The following MPDZ variants were observed in gnomAD, a reference collection of about 807,000 sequenced individuals.
The protein encoded by MPDZ is multiple PDZ domain protein.
Under a neutral mutation model 239.1 loss-of-function variants are expected in MPDZ, and 234 were observed. The observed-to-expected ratio is 0.98, with a 90% confidence interval of 0.88 to 1.09. The LOEUF (loss-of-function observed/expected upper bound fraction) is 1.09, where lower values mean the gene tolerates loss of function less well. Among genes scored for constraint, MPDZ ranks in the 50% least tolerant of loss-of-function variants. MPDZ has a pLI of 0.00. For missense variants in MPDZ, 3,175 were observed against 2,510.0 expected (o/e 1.26, Z -5.66); for synonymous variants, 1,048 against 881.3 (o/e 1.19, Z -3.35).
In MPDZ at chr9:13,122,031, C is replaced by T. The variant is rs185437121; in HGVS notation, c.5037+56G>A. The T allele has an allele frequency of 2.5e-6, 4 of 1,600,666 alleles. No individual in the cohort carries two copies. The African/African-American group carries it at 5.4e-5, about 21-fold the overall frequency. On this transcript the variant is annotated intron_variant, in intron 37 of 46. Transcript: ENST00000319217. ...AGAAAGAAGCAAAGAAAGAAACACT[C>T]CCCCCAGGAGCCTTTTCTCTGTTAA...
intron 1 of MPDZ, among the ~76,000 whole-genome samples, chr9:13,256,530 T>C (rs887553861): frequency 3.9e-5 from 6 of 152,204 alleles, no homozygotes; most frequent in Admixed American, 1.3e-4. Context: ...TTAGAGGCTA[T>C]TGCAGGGTTA....
Position 13,150,495 on chromosome 9 carries a change from G to C in MPDZ, c.3630+16C>G. The stretch of plus-strand genomic sequence containing the variant: ...AAACAAACAAATTTTAGCACAGAAA[G>C]CTCACTAGAGGGTACCTCTACGATT... On this transcript the variant is annotated intron_variant, in intron 25 of 46. Coordinates refer to ENST00000319217, the MANE Select transcript of MPDZ (RefSeq NM_001378778.1). The C allele has an allele frequency of 6.8e-7, 1 of 1,470,216 alleles. No homozygotes were observed. Among genetic ancestry groups the C allele is most frequent in the Non-Finnish European group, 9.0e-7 (1 of 1,107,926 alleles). The allele number at this position is 1,470,216 out of a possible 1,614,324, so 91.1% of individuals were successfully genotyped here.
intron 27 of MPDZ, among the ~76,000 whole-genome samples, chr9:13,140,506 TATAG>T (rs566225012): frequency 1.5e-4 from 23 of 149,440 alleles, no homozygotes; most frequent in South Asian, 4.2e-4. Context: ...TATGTATATA[TATAG>T]ATAGATAGAT....
chr9:13,206,678 G>C (rs536225676), intron 10 of MPDZ, among the ~76,000 whole-genome samples: 96 of 152,022 alleles, frequency 6.3e-4, no homozygotes, highest in African/African-American at 2.3e-3. Flanking sequence ...CGAATAGCTG[G>C]GACTACAGGT....
intron 1 of MPDZ, among the ~76,000 whole-genome samples, chr9:13,277,812 A>C (rs969342150): frequency 1.1e-4 from 17 of 152,128 alleles, no homozygotes; most frequent in Admixed American, 3.9e-4. Context: ...TGATCCACCC[A>C]CCTCGGTCTC....
chr9:13,106,985 T>A lies in MPDZ; in HGVS notation c.6193A>T (p.Thr2065Ser). The A allele has an allele frequency of 6.2e-7, 1 of 1,613,716 alleles. No individual in the cohort carries two copies. The highest frequency in any genetic ancestry group is 1.6e-4 in the Middle Eastern group (1 of 6,062). ...AILKRTKGTV[T>S]LMVLS ...CCAATTCAAGAGAGAACCATCAAAG[T>A]GACAGTGCCTTTTGTCCGTTTAAGG... is the stretch of plus-strand genomic sequence containing the variant. Residue 2065 changes from threonine to serine, a missense_variant, in exon 47 of 47, where the codon ACT (threonine) becomes TCT (serine). Thr to Ser is a moderately conservative substitution (Grantham distance 58). Coordinates refer to ENST00000319217, the MANE Select transcript of MPDZ (RefSeq NM_001378778.1).
At chr9:13,193,846 A>T (rs1955275875) in intron 13 of MPDZ, among the ~76,000 whole-genome samples, 1 of 152,238 alleles carries the variant, frequency 6.6e-6, no homozygotes, top group East Asian at 1.9e-4. Context: ...ATAAAATATT[A>T]AAATCAGAAT....
At chr9:13,133,651 AG>A (rs1228576610) in intron 32 of MPDZ, among the ~76,000 whole-genome samples, 172 bp downstream of exon 32, 2 of 152,180 alleles carry the variant, frequency 1.3e-5, no homozygotes, top group African/African-American at 4.8e-5. Flanking sequence ...CCAACCCTAG[AG>A]TTTCTCATTA....
At chr9:13,279,265 C>T (rs1233224260) in intron 1 of MPDZ, 135 bp downstream of exon 1, 3 of 134,376 alleles carry the variant, frequency 2.2e-5, no homozygotes, top group African/African-American at 5.3e-5. Context: ...CCACCCCCAC[C>T]CCCACCCCCA....
At chr9:13,278,764 G>C (rs1375593810) in intron 1 of MPDZ, among the ~76,000 whole-genome samples, 1 of 152,088 alleles carries the variant, frequency 6.6e-6, no homozygotes, top group African/African-American at 2.4e-5. Flanking sequence ...GTACCAATTA[G>C]CGGCTCGCCT....
chr9:13,116,377 A>G (rs1374722351), intron 39 of MPDZ, among the ~76,000 whole-genome samples: 1 of 152,218 alleles, frequency 6.6e-6, no homozygotes, highest in Non-Finnish European at 1.5e-5. Flanking sequence ...TAAATAAACC[A>G]TGAACAATGC....
chr9:13,269,595 G>A (rs561264370), intron 1 of MPDZ, among the ~76,000 whole-genome samples: 85 of 152,230 alleles, frequency 5.6e-4, no homozygotes, highest in African/African-American at 2.0e-3. Flanking sequence ...TACCTCTAGT[G>A]CTTCTGTTAA....
intron 24 of MPDZ, among the ~76,000 whole-genome samples, chr9:13,157,469 T>C (rs1440279950): frequency 1.3e-5 from 2 of 152,198 alleles, no homozygotes; most frequent in Non-Finnish European, 2.9e-5. Context: ...TTGATTTTAC[T>C]CAGCATAAAC....
At chr9:13,133,763 G>A in intron 32 of MPDZ, 61 bp downstream of exon 32, 1 of 1,206,852 alleles carries the variant, frequency 8.3e-7, no homozygotes, top group South Asian at 1.3e-5. Flanking sequence ...AGAACACAGT[G>A]AATTAGAACA....
At chr9:13,222,493 A>T (rs1959185893) in intron 5 of MPDZ, 47 bp from the exon 6 acceptor site, 1 of 1,416,488 alleles carries the variant, frequency 7.1e-7, no homozygotes, top group Non-Finnish European at 9.9e-7. Flanking sequence ...AGAGTTCTCA[A>T]GGAAATGACA....
At chr9:13,145,791 C>T (rs960486493) in intron 26 of MPDZ, among the ~76,000 whole-genome samples, 2 of 151,804 alleles carry the variant, frequency 1.3e-5, no homozygotes, top group Admixed American at 6.6e-5. Flanking sequence ...AAGATCTTCC[C>T]GGCTCATTGG....
chr9:13,129,380 T>A (rs1945597926), intron 32 of MPDZ, among the ~76,000 whole-genome samples: 1 of 151,140 alleles, frequency 6.6e-6, no homozygotes, highest in Non-Finnish European at 1.5e-5. Flanking sequence ...GGAGAATCGC[T>A]TGAACCCGGG....
chr9:13,110,587 G>T, intron 44 of MPDZ, 49 bp downstream of exon 44: 1 of 1,316,856 alleles, frequency 7.6e-7, no homozygotes, highest in Non-Finnish European at 1.1e-6. Context: ...AAGCTCATGT[G>T]TCTTCAGGCT....
intron 32 of MPDZ, among the ~76,000 whole-genome samples, chr9:13,130,333 T>C (rs1945786095): frequency 6.6e-6 from 1 of 152,178 alleles, no homozygotes; most frequent in Non-Finnish European, 1.5e-5. Flanking sequence ...TGAGCTGTTA[T>C]TAGAGCTCCC....
Sources: gnomAD v4.1 joint callset for allele counts (sites outside exome capture counted in the v4.1 genomes callset) on GRCh38, gnomAD v4.1.1 for gene constraint, MANE v1.5 for transcripts, NCBI Gene and HGNC (gene_info 2026-07-23, HGNC 2026-07-21) for gene names.